PCDHA7: variants seen among roughly 807,000 people sequenced by gnomAD.
PCDHA7 encodes the protein protocadherin alpha-7.
PCDHA7 carries 37 observed loss-of-function variants against 57.2 expected under a neutral mutation model. That is an observed-to-expected ratio of 0.65 (90% CI 0.50 to 0.85). The LOEUF (loss-of-function observed/expected upper bound fraction) is 0.85, where lower values mean the gene tolerates loss of function less well. Among genes scored for constraint, PCDHA7 ranks in the 40% least tolerant of loss-of-function variants. PCDHA7 has a pLI of 0.00. For missense variants in PCDHA7, 1,188 were observed against 1,241.8 expected (o/e 0.96, Z 0.65); for synonymous variants, 553 against 558.8 (o/e 0.99, Z 0.15).
At chr5:140,875,516 T>G in intron 1 of PCDHA7, 1 of 1,613,976 alleles carries the variant, frequency 6.2e-7, no homozygotes, top group Non-Finnish European at 8.5e-7. Context: ...CAGCGTCTGC[T>G]GCTCTCGCTT....
intron 1 of PCDHA7, among the ~76,000 whole-genome samples, chr5:140,922,082 G>A (rs2080612980): frequency 6.6e-6 from 1 of 151,908 alleles, no homozygotes. Context: ...AGCAAAAAGT[G>A]GTATTTCTAC....
chr5:141,000,593 A>G (rs1021263998), intron 3 of PCDHA7, among the ~76,000 whole-genome samples: 3 of 150,498 alleles, frequency 2.0e-5, no homozygotes, highest in African/African-American at 4.9e-5. Flanking sequence ...ATGCCCAGCT[A>G]ATTTTTGTAT....
intron 1 of PCDHA7, among the ~76,000 whole-genome samples, chr5:140,962,168 C>A (rs1207333516): frequency 1.3e-5 from 2 of 152,152 alleles, no homozygotes; most frequent in African/African-American, 4.8e-5. Flanking sequence ...AGCCACCACA[C>A]CCGGCCACTT....
At chr5:140,854,785 T>G (rs998570267) in intron 1 of PCDHA7, 1 of 149,740 alleles carries the variant, frequency 6.7e-6, no homozygotes, top group South Asian at 2.1e-4. Flanking sequence ...TTTCAAGAAC[T>G]TTGAGAGAGA....
At chr5:140,852,214 ATTTTAAT>A (rs2042272787) in intron 1 of PCDHA7, 1 of 644,752 alleles carries the variant, frequency 1.6e-6, no homozygotes, top group Non-Finnish European at 2.0e-6. Flanking sequence ...AAAACAAAAT[ATTTTAAT>A]TTTTAAATTT....
chr5:140,868,098 A>G (rs972281563), intron 1 of PCDHA7: 22 of 152,120 alleles, frequency 1.4e-4, no homozygotes, highest in Admixed American at 1.0e-3. Context: ...AATGATAATA[A>G]AATTTATTTT....
At chr5:140,882,684 G>A (rs781811851) in intron 1 of PCDHA7, 3 of 1,614,172 alleles carry the variant, frequency 1.9e-6, no homozygotes, top group South Asian at 1.1e-5. Context: ...AGCAAGAAAC[G>A]AATAATCATT....
chr5:140,863,699 T>C, intron 1 of PCDHA7: 1 of 299,368 alleles, frequency 3.3e-6, no homozygotes, highest in Non-Finnish European at 6.5e-6. Context: ...GATGCTTTAT[T>C]TAAAGTACAC....
intron 3 of PCDHA7, among the ~76,000 whole-genome samples, chr5:140,998,657 T>G (rs1252646330): frequency 6.6e-6 from 1 of 151,974 alleles, no homozygotes; most frequent in African/African-American, 2.4e-5. Flanking sequence ...CTCTGCCTCC[T>G]GGGTTCAAGT....
At chr5:140,842,634 C>A (rs2150340944) in intron 1 of PCDHA7, 1 of 1,589,836 alleles carries the variant, frequency 6.3e-7, no homozygotes, top group Admixed American at 1.7e-5. Context: ...CTGTGGGCCA[C>A]CGCCAGCTTG....
chr5:140,843,370 G>A lies in PCDHA7; in HGVS notation c.2355+6632G>A, dbSNP rs782264664. On this transcript the variant is annotated intron_variant, in intron 1 of 3. Coordinates refer to ENST00000525929, the MANE Select transcript of PCDHA7 (RefSeq NM_018910.3). Reference sequence around the variant, plus strand: ...CTCCAAAAGCGTCATCGAGGCAGTCGGCTGGCGTTTTGGGTCCGGAAGCGG... The same window carrying A: ...CTCCAAAAGCGTCATCGAGGCAGTCAGCTGGCGTTTTGGGTCCGGAAGCGG... The A allele has an allele frequency of 1.2e-5, 19 of 1,596,088 alleles. 2 individuals carry two copies. Among genetic ancestry groups the A allele is most frequent in the Non-Finnish European group, 1.6e-5 (19 of 1,165,604 alleles).
At chr5:140,872,364 G>A (rs538641401) in intron 1 of PCDHA7, among the ~76,000 whole-genome samples, 1 of 152,132 alleles carries the variant, frequency 6.6e-6, no homozygotes, top group South Asian at 2.1e-4. Context: ...AAGTGGTTCA[G>A]GCCTGTAATC....
intron 1 of PCDHA7, among the ~76,000 whole-genome samples, chr5:140,944,227 G>A (rs1472509213): frequency 6.6e-6 from 1 of 152,046 alleles, no homozygotes; most frequent in Non-Finnish European, 1.5e-5. Flanking sequence ...TTACTCTGTC[G>A]CTCAGGCTGG....
chr5:140,982,538 G>C lies in PCDHA7; in HGVS notation c.2478G>C (p.Trp826Cys), dbSNP rs782094765. The change falls in exon 3 of 4, where the codon TGG becomes TGC. Residue 826 changes from tryptophan to cysteine, a missense_variant. Around this residue, in one of 3 missense-constraint regions of PCDHA7, gnomAD observed 892 missense variants for 788.5 expected, o/e 1.13. Coordinates refer to ENST00000525929, the MANE Select transcript of PCDHA7 (RefSeq NM_018910.3). ...GTCCAGGAGGGCCTGATCAGCAGTG[G>C]CCAACAGTATCCAGTGCAACACCAG... ...RAGPGGPDQQ[W>C]PTVSSATPEP... 1 of 1,614,166 alleles carries C rather than the reference G, an allele frequency of 6.2e-7. No individual in the cohort carries two copies.
chr5:140,872,231 T>A (rs1050025307), intron 1 of PCDHA7, among the ~76,000 whole-genome samples: 2 of 152,228 alleles, frequency 1.3e-5, no homozygotes, highest in Non-Finnish European at 2.9e-5. Context: ...TCTTTACTTT[T>A]GTCTTTATTC....
At position 140,948,398 on chromosome 5, in the gene PCDHA7, T is replaced by G. The variant is rs147325819; in HGVS notation, c.2356-30551T>G. 6.9e-3 allele frequency among the ~76,000 whole-genome samples: 1,051 copies of G among 151,748 alleles called. 6 individuals carry two copies. The highest frequency in any genetic ancestry group is 0.017 in the Middle Eastern group (5 of 294). Reference sequence around the variant, plus strand: ...CCTTCCTCTATTTTCTGAAAGGTTGTGTAATATTGGTGTTATTTCTTCCTT... The same window carrying G: ...CCTTCCTCTATTTTCTGAAAGGTTGGGTAATATTGGTGTTATTTCTTCCTT... On this transcript the variant is annotated intron_variant, in intron 1 of 3. Transcript: ENST00000525929.
intron 1 of PCDHA7, chr5:140,852,662 C>T: frequency 1.0e-6 from 1 of 963,512 alleles, no homozygotes; most frequent in Non-Finnish European, 1.3e-6. Context: ...ATCTGTCTAT[C>T]AGCACAACTC....
chr5:140,858,149 G>T, intron 1 of PCDHA7: 1 of 1,597,572 alleles, frequency 6.3e-7, no homozygotes, highest in Non-Finnish European at 8.6e-7. Flanking sequence ...CCTGATCATC[G>T]CCATCTGCGC....
chr5:140,892,516 C>T (rs1308217040), intron 1 of PCDHA7, among the ~76,000 whole-genome samples: 1 of 152,222 alleles, frequency 6.6e-6, no homozygotes, highest in East Asian at 1.9e-4. Context: ...TCCACCATGA[C>T]TGGTAGACTC....
Sources: allele counts gnomAD v4.1 joint callset (sites outside exome capture counted in the v4.1 genomes callset), GRCh38; gene constraint gnomAD v4.1.1; regional missense constraint gnomAD v4.1.1; transcripts MANE v1.5; gene names NCBI Gene and HGNC (gene_info 2026-07-23, HGNC 2026-07-21).